Variants in ERC2 observed in about 807,000 individuals in gnomAD.
ERC2 encodes ERC protein 2.
Under a neutral mutation model 114.8 loss-of-function variants are expected in ERC2, and 42 were observed. That is an observed-to-expected ratio of 0.37 (90% confidence interval 0.29 to 0.47). The LOEUF is 0.47. ERC2 is among the 20% of genes least tolerant of loss of function. The pLI is 0.99. For synonymous variants in ERC2, 454 were observed against 425.5 expected (o/e 1.07, Z -0.82); for missense variants, 939 against 1,150.7 (o/e 0.82, Z 2.66).
intron 17 of ERC2, among the ~76,000 whole-genome samples, chr3:55,675,591 G>C (rs2061749411): frequency 6.6e-6 from 1 of 152,158 alleles, no homozygotes; most frequent in Admixed American, 6.5e-5. Flanking sequence ...TGGGGCTGGA[G>C]TTGCTTTCCC....
intron 3 of ERC2, among the ~76,000 whole-genome samples, chr3:56,290,853 G>A (rs1371821078): frequency 6.6e-6 from 1 of 152,178 alleles, no homozygotes; most frequent in Non-Finnish European, 1.5e-5. Context: ...CCAGCACAGA[G>A]GGAGGCCCAG....
intron 14 of ERC2, among the ~76,000 whole-genome samples, chr3:55,876,095 T>C (rs1247457861): frequency 2.6e-5 from 4 of 152,188 alleles, no homozygotes; most frequent in Non-Finnish European, 4.4e-5. Context: ...ATTGAATGTT[T>C]AGGAGGGACC....
At chr3:56,304,536 T>C (rs2056094747) in intron 2 of ERC2, among the ~76,000 whole-genome samples, 1 of 59,014 alleles carries the variant, frequency 1.7e-5, no homozygotes, top group Admixed American at 2.3e-4. Flanking sequence ...TGAGACTTGA[T>C]CATCTTGACA....
intron 17 of ERC2, among the ~76,000 whole-genome samples, chr3:55,553,410 T>C (rs1385018918): frequency 6.6e-6 from 1 of 152,136 alleles, no homozygotes; most frequent in Non-Finnish European, 1.5e-5. Flanking sequence ...AAGAATTTTA[T>C]TTAATCTTCA....
intron 4 of ERC2, among the ~76,000 whole-genome samples, chr3:56,165,696 C>T (rs2082289746): frequency 6.6e-6 from 1 of 151,394 alleles, no homozygotes; most frequent in South Asian, 2.1e-4. Flanking sequence ...TTTTTAATAC[C>T]AGTGTAAGTG....
rs2065691263 is a variant in ERC2, at chr3:55,737,254, G to A, written c.2565-2336C>T. ...GCTTCTGTTTGAAGCTCACGCAGAT[G>A]TGTGAGCAGCAGAACATGTCAGGAA... On this transcript the variant is annotated intron_variant, in intron 14 of 17. Coordinates refer to ENST00000288221, the MANE Select transcript of ERC2 (RefSeq NM_015576.3). Among the ~76,000 whole-genome samples the A allele has an allele frequency of 2.6e-5, 4 of 152,224 alleles. No individual in the cohort carries two copies. The South Asian group carries it at 8.3e-4, about 32-fold the overall frequency.
At chr3:55,584,104 A>G (rs1183844139) in intron 17 of ERC2, among the ~76,000 whole-genome samples, 2 of 152,180 alleles carry the variant, frequency 1.3e-5, no homozygotes, top group South Asian at 2.1e-4. Flanking sequence ...CAAGGAACAC[A>G]CTCAGTCGAT....
intron 13 of ERC2, among the ~76,000 whole-genome samples, chr3:55,920,724 G>A (rs553841494): frequency 2.6e-5 from 4 of 152,142 alleles, no homozygotes; most frequent in Admixed American, 6.5e-5. Flanking sequence ...CTAAATAATA[G>A]AGCACGTGAT....
intron 3 of ERC2, among the ~76,000 whole-genome samples, chr3:56,272,573 C>A (rs1024104364): frequency 1.4e-4 from 21 of 152,342 alleles, no homozygotes; most frequent in African/African-American, 4.6e-4. Flanking sequence ...AGTTCAAGAC[C>A]AGCCTGGCCA....
chr3:56,344,609 T>C (rs540300675), intron 2 of ERC2, among the ~76,000 whole-genome samples: 1 of 152,260 alleles, frequency 6.6e-6, no homozygotes, highest in Admixed American at 6.5e-5. Context: ...GTAAATTTAT[T>C]TATTTCTTTG....
At chr3:55,961,649 CTT>C (rs772129889) in intron 12 of ERC2, among the ~76,000 whole-genome samples, 2 of 152,144 alleles carry the variant, frequency 1.3e-5, no homozygotes, top group Non-Finnish European at 2.9e-5. Flanking sequence ...CTGACCCTCA[CTT>C]TGGTCAATGG....
intron 2 of ERC2, among the ~76,000 whole-genome samples, chr3:56,398,261 A>T (rs1014313802): frequency 2.0e-5 from 3 of 152,222 alleles, no homozygotes; most frequent in Non-Finnish European, 4.4e-5. Context: ...ACAACTTTCT[A>T]CAAGAGGAAT....
chr3:55,629,717 C>G (rs2059665738), intron 17 of ERC2, among the ~76,000 whole-genome samples: 3 of 152,216 alleles, frequency 2.0e-5, no homozygotes, highest in South Asian at 2.1e-4. Context: ...AGATGTTCTA[C>G]TGAAGACAGG....
intron 2 of ERC2, among the ~76,000 whole-genome samples, chr3:56,387,112 T>C (rs75311536): frequency 0.02 from 3,015 of 152,302 alleles, 99 homozygotes; most frequent in African/African-American, 0.069. Context: ...CACTAATCTA[T>C]AAGAATTTAA....
At chr3:56,370,591 T>TTTTG (rs1406241045) in intron 2 of ERC2, among the ~76,000 whole-genome samples, 43 of 143,264 alleles carry the variant, frequency 3.0e-4, no homozygotes, top group African/African-American at 1.1e-3. Flanking sequence ...GTGGGGGTTT[T>TTTTG]TTTGTTTTTT....
chr3:55,587,828 C>G (rs912512798), intron 17 of ERC2, among the ~76,000 whole-genome samples: 8 of 152,140 alleles, frequency 5.3e-5, no homozygotes, highest in Non-Finnish European at 1.2e-4. Flanking sequence ...CTAGTAATGA[C>G]CTTTTAAACC....
chr3:55,846,813 C>A (rs1198164814), intron 14 of ERC2, among the ~76,000 whole-genome samples: 1 of 151,842 alleles, frequency 6.6e-6, no homozygotes, highest in East Asian at 1.9e-4. Context: ...TCAAGATATT[C>A]AAAGCCCTTA....
chr3:56,279,385 G>C (rs1030500301), intron 3 of ERC2, among the ~76,000 whole-genome samples: 28 of 152,194 alleles, frequency 1.8e-4, no homozygotes, highest in Admixed American at 9.8e-4. Flanking sequence ...CCAGTCCAGG[G>C]CAGGAAGGAC....
intron 2 of ERC2, among the ~76,000 whole-genome samples, chr3:56,352,221 A>G (rs2058581392): frequency 6.6e-6 from 1 of 152,270 alleles, no homozygotes; most frequent in Non-Finnish European, 1.5e-5. Context: ...GAGGCAGGTC[A>G]AGAGACTACT....
Sources: allele counts gnomAD v4.1 joint callset (sites outside exome capture counted in the v4.1 genomes callset), GRCh38; gene constraint gnomAD v4.1.1; transcripts MANE v1.5; gene names NCBI Gene and HGNC (gene_info 2026-07-23, HGNC 2026-07-21).